Variants in HTR3A observed in about 807,000 individuals in gnomAD.
HTR3A encodes the protein 5-hydroxytryptamine receptor 3A, also known as 5-hydroxytryptamine (serotonin) receptor 3A, ionotropic.
HTR3A carries 45 observed loss-of-function variants against 54.8 expected under a neutral mutation model. That is an observed-to-expected ratio of 0.82 (90% CI 0.65 to 1.05). HTR3A has a LOEUF of 1.05. HTR3A is among the 50% of genes least tolerant of loss of function. HTR3A has a pLI of 0.00. For synonymous variants in HTR3A, 297 were observed against 256.0 expected (o/e 1.16, Z -1.53); for missense variants, 657 against 614.0 (o/e 1.07, Z -0.74).
At chr11:113,979,953 A>G (rs1247174055) in intron 3 of HTR3A, among the ~76,000 whole-genome samples, 2 of 152,184 alleles carry the variant, frequency 1.3e-5, no homozygotes, top group Non-Finnish European at 2.9e-5. Context: ...GGCTCTGGGG[A>G]CATGCTTGGC....
intron 5 of HTR3A, among the ~76,000 whole-genome samples, chr11:113,984,036 AC>A: frequency 6.6e-6 from 1 of 151,216 alleles, no homozygotes. Flanking sequence ...CTAGCCCCAA[AC>A]CCTCATATTC....
At chr11:113,988,515 C>T (rs1950518160) in intron 8 of HTR3A, among the ~76,000 whole-genome samples, 1 of 152,218 alleles carries the variant, frequency 6.6e-6, no homozygotes, top group Non-Finnish European at 1.5e-5. Context: ...GTAATCCCAG[C>T]ACTTTGGGAG....
chr11:113,980,407 C>T (rs2137573152), intron 3 of HTR3A, among the ~76,000 whole-genome samples: 1 of 152,336 alleles, frequency 6.6e-6, no homozygotes, highest in Non-Finnish European at 1.5e-5. Flanking sequence ...GGACAAGGTG[C>T]TAACTATGGG....
intron 5 of HTR3A, among the ~76,000 whole-genome samples, chr11:113,985,787 T>G (rs1950482603): frequency 6.6e-6 from 1 of 152,044 alleles, no homozygotes; most frequent in Non-Finnish European, 1.5e-5. Context: ...CACCGTGCAT[T>G]TTCATTTAGG....
At chr11:113,978,246 CT>C (rs1296820578) in intron 2 of HTR3A, among the ~76,000 whole-genome samples, 1 of 152,150 alleles carries the variant, frequency 6.6e-6, no homozygotes, top group Non-Finnish European at 1.5e-5. Flanking sequence ...CATCTCTATG[CT>C]CCCAGTGCCT....
Position 113,989,414 on chromosome 11 carries a change from G to T in HTR3A, c.1139-51G>T. 1 of 1,604,796 alleles carries T rather than the reference G, an allele frequency of 6.2e-7. No individual in the cohort carries two copies. Among genetic ancestry groups the T allele is most frequent in the Non-Finnish European group, 8.5e-7 (1 of 1,172,882 alleles). On this transcript the variant is annotated intron_variant, in intron 8 of 8. Coordinates refer to ENST00000504030, the MANE Select transcript of HTR3A (RefSeq NM_000869.6). The surrounding 1 kb of genome is among the most constrained non-coding windows in gnomAD (Gnocchi z 4.4). ...ATAGAAGCATAAGGAACCATGTTCA[G>T]GTCACCACCCGGGGTCTCCCTCTCT...
At chr11:113,982,870 G>A (rs1165561018) in intron 4 of HTR3A, among the ~76,000 whole-genome samples, 6 of 152,168 alleles carry the variant, frequency 3.9e-5, no homozygotes, top group South Asian at 2.1e-4. Context: ...TCCCTGCCTT[G>A]TGTGGCCAGG....
chr11:113,976,035 G>C (rs570027953), intron 1 of HTR3A, among the ~76,000 whole-genome samples: 50 of 152,248 alleles, frequency 3.3e-4, no homozygotes, highest in African/African-American at 1.2e-3. Flanking sequence ...TAGCCACAAA[G>C]GGACCGGCTT....
At position 113,983,186 on chromosome 11, in the gene HTR3A, C is replaced by A. The variant is rs761159527; in HGVS notation, c.441C>A (p.Asn147Lys). The A allele has an allele frequency of 4.3e-6, 7 of 1,614,122 alleles. No homozygotes were observed. The Admixed American group carries it at 5.0e-5, about 12-fold the overall frequency. ...VYIRHQGEVQ[N>K]YKPLQVVTAC... Reference sequence around the variant, plus strand: ...TTCGGCATCAAGGCGAAGTTCAGAACTACAAGCCCCTTCAGGTGGTGACTG... The same window carrying A: ...TTCGGCATCAAGGCGAAGTTCAGAAATACAAGCCCCTTCAGGTGGTGACTG... Residue 147 changes from asparagine to lysine, a missense_variant, in exon 5 of 9, where the codon AAC (asparagine) becomes AAA (lysine). By Grantham distance (94) the Asn-to-Lys change is moderately conservative. Coordinates refer to ENST00000504030, the MANE Select transcript of HTR3A (RefSeq NM_000869.6).
In HTR3A at chr11:113,986,708, C is replaced by T. The variant is rs1186180476; in HGVS notation, c.896C>T (p.Ala299Val). ...IIVSDTLPATAIGTPLIGVYF... is the reference protein window; with the variant it reads ...IIVSDTLPATVIGTPLIGVYF... The stretch of plus-strand genomic sequence containing the variant: ...GTTTCTGACACGCTGCCGGCCACTG[C>T]CATCGGCACTCCTCTCATTGGTAAG... Residue 299 changes from alanine (A) to valine (V), a missense_variant, in exon 7 of 9, where the codon GCC becomes GTC. Ala to Val is a moderately conservative substitution (Grantham distance 64, BLOSUM62 0). Transcript: ENST00000504030. 2.5e-6 allele frequency: 4 copies of T among 1,614,064 alleles called. No individual in the cohort carries two copies. In the Admixed American group the frequency reaches 6.7e-5, roughly 27 times the overall value.
At chr11:113,983,877 A>T (rs1187726972) in intron 5 of HTR3A, among the ~76,000 whole-genome samples, 1 of 152,148 alleles carries the variant, frequency 6.6e-6, no homozygotes, top group African/African-American at 2.4e-5. Context: ...TTTTAGTAAA[A>T]TGCGAATCTG....
intron 5 of HTR3A, 102 bp downstream of exon 5, chr11:113,983,391 T>G: frequency 8.3e-7 from 1 of 1,207,022 alleles, no homozygotes; most frequent in Non-Finnish European, 1.2e-6. Flanking sequence ...GTATCCAGCC[T>G]ACTAATGCCC....
Position 113,977,866 on chromosome 11 carries a change from T to A in HTR3A, c.163T>A (p.Trp55Arg). 2 of 1,614,128 alleles carry A rather than the reference T, an allele frequency of 1.2e-6. No individual in the cohort carries two copies. Among genetic ancestry groups the A allele is most frequent in the Non-Finnish European group, 1.7e-6 (2 of 1,180,020 alleles). ...YRKGVRPVRD[W>R]RKPTTVSIDV... ...GAAGGGTGTGCGCCCCGTGAGGGACTGGAGGAAGCCAACCACCGTATCCAT... is the reference window on the plus strand; with the variant it reads ...GAAGGGTGTGCGCCCCGTGAGGGACAGGAGGAAGCCAACCACCGTATCCAT... The change falls in exon 2 of 9, where the codon TGG (tryptophan) becomes AGG (arginine). Residue 55 changes from tryptophan (W) to arginine (R), a missense_variant. Physicochemically the swap from Trp to Arg is moderately radical, Grantham distance 101. Coordinates refer to ENST00000504030, the MANE Select transcript of HTR3A (RefSeq NM_000869.6).
intron 1 of HTR3A, among the ~76,000 whole-genome samples, chr11:113,977,284 G>A (rs1488246397): frequency 6.6e-6 from 1 of 152,222 alleles, no homozygotes; most frequent in African/African-American, 2.4e-5. Context: ...GAGATGTTGT[G>A]TGCAGATGCT....
intron 3 of HTR3A, 27 bp from the exon 4 acceptor site, chr11:113,981,176 C>T: frequency 7.0e-7 from 1 of 1,436,174 alleles, no homozygotes; most frequent in Non-Finnish European, 9.8e-7. Context: ...AGGGGGCTGC[C>T]TGTGACCATC....
chr11:113,977,240 T>C (rs1950362147), intron 1 of HTR3A, among the ~76,000 whole-genome samples: 1 of 152,184 alleles, frequency 6.6e-6, no homozygotes, highest in Admixed American at 6.5e-5. Flanking sequence ...TGCCCACACT[T>C]CCTTCTTTCT....
chr11:113,979,340 G>A (rs1950393707), intron 3 of HTR3A, 63 bp downstream of exon 3: 7 of 1,359,862 alleles, frequency 5.1e-6, no homozygotes, highest in Admixed American at 3.4e-5. Context: ...TCGGGAATTC[G>A]GGAGTTTCAG....
In HTR3A at chr11:113,977,785, A is replaced by C; in HGVS notation, c.82A>C (p.Asn28His). 1 of 1,614,166 alleles carries C rather than the reference A, an allele frequency of 6.2e-7. No homozygotes were observed. The highest frequency in any genetic ancestry group is 8.5e-7 in the Non-Finnish European group (1 of 1,180,036). Reference protein sequence around the residue: ...LAQGEARRSRNTTRPALLRLS... With the variant: ...LAQGEARRSRHTTRPALLRLS... ...CTCCTTCCCAGCCAGGAGGAGCCGA[A>C]ACACCACCAGGCCCGCTCTGCTGAG... The change falls in exon 2 of 9, where the codon AAC becomes CAC. Residue 28 changes from asparagine (N) to histidine (H), a missense_variant. Coordinates refer to ENST00000504030, the MANE Select transcript of HTR3A (RefSeq NM_000869.6).
At chr11:113,982,297 A>G (rs919237219) in intron 4 of HTR3A, among the ~76,000 whole-genome samples, 1 of 151,638 alleles carries the variant, frequency 6.6e-6, no homozygotes, top group East Asian at 2.0e-4. Context: ...CCTCTACCCC[A>G]TACCCACAGC....
Sources: allele counts gnomAD v4.1 joint callset (sites outside exome capture counted in the v4.1 genomes callset), GRCh38; gene constraint gnomAD v4.1.1; non-coding constraint Gnocchi (gnomAD v3.1); transcripts MANE v1.5; gene names NCBI Gene and HGNC (gene_info 2026-07-23, HGNC 2026-07-21).